Variants in SYK observed in about 807,000 individuals in gnomAD.
SYK encodes tyrosine-protein kinase SYK.
A neutral mutation model predicts 77.8 loss-of-function variants in SYK; 16 were observed. The ratio of observed to expected loss-of-function variants is 0.21; its 90% CI spans 0.14 to 0.31. The LOEUF is 0.31. Ranked by LOEUF, SYK falls within the 10% of genes least tolerant of loss-of-function variation. SYK has a pLI of 1.00. For missense variants in SYK, 529 were observed against 814.4 expected (o/e 0.65, Z 4.26); for synonymous variants, 312 against 308.7 (o/e 1.01, Z -0.11).
intron 1 of SYK, among the ~76,000 whole-genome samples, chr9:90,819,504 A>G (rs559907949): frequency 6.6e-6 from 1 of 152,308 alleles, no homozygotes; most frequent in South Asian, 2.1e-4. Flanking sequence ...GGCACTTCTT[A>G]CATGGTGGCA....
intron 3 of SYK, among the ~76,000 whole-genome samples, chr9:90,859,972 A>G (rs1315121738): frequency 6.6e-6 from 1 of 151,748 alleles, no homozygotes; most frequent in Non-Finnish European, 1.5e-5. Context: ...ACCAGAGTTC[A>G]GATCCCATTT....
At chr9:90,840,554 T>TAAAA (rs71360457) in intron 1 of SYK, among the ~76,000 whole-genome samples, 5 of 107,002 alleles carry the variant, frequency 4.7e-5, no homozygotes, top group Admixed American at 2.1e-4. Context: ...CCGTCTCTTC[T>TAAAA]AAAAAAAAAA....
chr9:90,855,645 CA>C (rs1278362599), intron 3 of SYK, among the ~76,000 whole-genome samples: 1 of 151,666 alleles, frequency 6.6e-6, no homozygotes, highest in African/African-American at 2.4e-5. Context: ...TTAAGATGCA[CA>C]AATGAGCTAT....
rs528184901 is a variant in SYK, at chr9:90,876,586, A to T, written c.1182-985A>T. ...TAATCCTAAGCTTTTTCAGATTATGAAAGGTTGTGATCTTTATTCTGTGCT... is the reference window on the plus strand; with the variant it reads ...TAATCCTAAGCTTTTTCAGATTATGTAAGGTTGTGATCTTTATTCTGTGCT... On this transcript the variant is annotated intron_variant, in intron 9 of 13. Transcript: ENST00000375754. Among the ~76,000 whole-genome samples, 9 of 152,362 alleles carry T rather than the reference A, an allele frequency of 5.9e-5. No individual in the cohort carries two copies. The Middle Eastern group carries it at 0.014, about 232-fold the overall frequency.
At chr9:90,888,021 C>A in intron 12 of SYK, 132 bp downstream of exon 12, 1 of 1,190,760 alleles carries the variant, frequency 8.4e-7, no homozygotes, top group Non-Finnish European at 1.1e-6. Context: ...GTTAATGTGC[C>A]CTCAGTCTAT....
intron 1 of SYK, among the ~76,000 whole-genome samples, chr9:90,813,237 T>C (rs1258596137): frequency 6.6e-6 from 1 of 152,132 alleles, no homozygotes. Flanking sequence ...TGGGCCTCGC[T>C]GGCTGCAGCT....
At chr9:90,868,995 G>A (rs1297432100) in intron 7 of SYK, among the ~76,000 whole-genome samples, 5 of 152,188 alleles carry the variant, frequency 3.3e-5, no homozygotes, top group African/African-American at 1.2e-4. Flanking sequence ...ATAATTTTAA[G>A]TGTAAAAGTC....
At chr9:90,838,473 A>C (rs1826169072) in intron 1 of SYK, among the ~76,000 whole-genome samples, 2 of 152,238 alleles carry the variant, frequency 1.3e-5, no homozygotes, top group South Asian at 4.1e-4. Context: ...TTTTTCTACA[A>C]CTAAGTGCAC....
chr9:90,880,039 G>T (rs1196891671), intron 11 of SYK, among the ~76,000 whole-genome samples: 12 of 152,248 alleles, frequency 7.9e-5, no homozygotes, highest in Admixed American at 7.8e-4. Context: ...CCGAAGGCAG[G>T]TTAACAACCC....
intron 7 of SYK, among the ~76,000 whole-genome samples, chr9:90,868,087 A>G (rs1324330809): frequency 6.6e-6 from 1 of 152,246 alleles, no homozygotes; most frequent in Non-Finnish European, 1.5e-5. Context: ...TAAAAGACAT[A>G]AAACCCTTGA....
At chr9:90,806,026 T>G (rs1219742534) in intron 1 of SYK, among the ~76,000 whole-genome samples, 1 of 152,244 alleles carries the variant, frequency 6.6e-6, no homozygotes, top group Non-Finnish European at 1.5e-5. Flanking sequence ...TAAGAAGTTA[T>G]TTGGTTTATT....
At chr9:90,870,942 A>C (rs1827706391) in intron 7 of SYK, among the ~76,000 whole-genome samples, 1 of 152,220 alleles carries the variant, frequency 6.6e-6, no homozygotes, top group Non-Finnish European at 1.5e-5. Flanking sequence ...AATACTCTGG[A>C]ATCAGGAAAC....
At chr9:90,816,291 A>G (rs1825289936) in intron 1 of SYK, among the ~76,000 whole-genome samples, 1 of 152,204 alleles carries the variant, frequency 6.6e-6, no homozygotes, top group Admixed American at 6.5e-5. Context: ...GCATGTGTTT[A>G]GAAGGCAGAT....
intron 6 of SYK, 32 bp from the exon 7 acceptor site, chr9:90,867,099 T>A (rs1231424757): frequency 2.5e-6 from 4 of 1,612,616 alleles, no homozygotes; most frequent in Non-Finnish European, 3.4e-6. Context: ...TCTGAAACAT[T>A]TACTGTTCCT....
At chr9:90,836,611 C>T (rs1323736481) in intron 1 of SYK, among the ~76,000 whole-genome samples, 5 of 152,158 alleles carry the variant, frequency 3.3e-5, no homozygotes, top group Non-Finnish European at 5.9e-5. Flanking sequence ...CTGTGTGATG[C>T]TCATCATCTC....
chr9:90,804,818 G>A (rs928848218), intron 1 of SYK, among the ~76,000 whole-genome samples: 7 of 152,148 alleles, frequency 4.6e-5, no homozygotes, highest in African/African-American at 1.4e-4. Flanking sequence ...TTCTACTGAG[G>A]GATTGTGGGA....
chr9:90,867,289 G>A (rs562349762), intron 7 of SYK, 90 bp downstream of exon 7: 24 of 1,315,444 alleles, frequency 1.8e-5, no homozygotes, highest in Admixed American at 5.2e-5. Flanking sequence ...CTGTGTGTGC[G>A]CTGCCCCCCA....
At chr9:90,839,518 C>G (rs1826215141) in intron 1 of SYK, among the ~76,000 whole-genome samples, 1 of 152,154 alleles carries the variant, frequency 6.6e-6, no homozygotes, top group Admixed American at 6.5e-5. Flanking sequence ...CACAGCCTGT[C>G]TCACTTCCTT....
rs549552084 is a variant in SYK, at chr9:90,819,487, G to A, written c.-42+17594G>A. 2.6e-5 allele frequency among the ~76,000 whole-genome samples: 4 copies of A among 152,304 alleles called. No homozygotes were observed. The South Asian group carries it at 8.3e-4, about 32-fold the overall frequency. ...GGGAGGCCTCAGAATCATGGCAGGAGGTGAAAGGCACTTCTTACATGGTGG... is the reference window on the plus strand; with the variant it reads ...GGGAGGCCTCAGAATCATGGCAGGAAGTGAAAGGCACTTCTTACATGGTGG... On this transcript the variant is annotated intron_variant, in intron 1 of 13. Coordinates refer to ENST00000375754, the MANE Select transcript of SYK (RefSeq NM_003177.7).
Sources: gnomAD v4.1 joint callset for allele counts (sites outside exome capture counted in the v4.1 genomes callset) on GRCh38, gnomAD v4.1.1 for gene constraint, MANE v1.5 for transcripts, NCBI Gene and HGNC (gene_info 2026-07-23, HGNC 2026-07-21) for gene names.